ZNF710: variants seen among roughly 807,000 people sequenced by gnomAD.
ZNF710 encodes zinc finger protein 710.
Under a neutral mutation model 50.6 loss-of-function variants are expected in ZNF710, and 13 were observed. The observed-to-expected ratio is 0.26, with a 90% CI of 0.17 to 0.41. The LOEUF (loss-of-function observed/expected upper bound fraction) is 0.41, where lower values mean the gene tolerates loss of function less well. Among genes scored for constraint, ZNF710 ranks in the 10% least tolerant of loss-of-function variants. The pLI, the probability that ZNF710 is intolerant of heterozygous loss-of-function variation, is 1.00. For missense variants in ZNF710, 721 were observed against 936.6 expected (o/e 0.77, Z 3.01); for synonymous variants, 383 against 397.0 (o/e 0.96, Z 0.42).
At chr15:90,033,487 G>T (rs1899007772) in intron 1 of ZNF710, among the ~76,000 whole-genome samples, 1 of 152,140 alleles carries the variant, frequency 6.6e-6, no homozygotes, top group South Asian at 2.1e-4. Flanking sequence ...GGCAGAAAGG[G>T]GTTGGCTCCT....
intron 1 of ZNF710, among the ~76,000 whole-genome samples, chr15:90,003,532 C>G (rs1223720802): frequency 6.6e-6 from 1 of 152,082 alleles, no homozygotes; most frequent in Non-Finnish European, 1.5e-5. Context: ...CCTATTGCAT[C>G]TTCACCAGGG....
intron 3 of ZNF710, among the ~76,000 whole-genome samples, chr15:90,073,631 TGTCCCTGTCTCTCGGGTGTCTGGG>T (rs1287024315): frequency 6.6e-6 from 1 of 152,150 alleles, no homozygotes; most frequent in Non-Finnish European, 1.5e-5. Flanking sequence ...GGATGGCTTG[TGTCCCTGTCTCTCGGGTGTCTGGG>T]GTCACATGGA....
chr15:90,004,329 G>A (rs997965022), intron 1 of ZNF710, among the ~76,000 whole-genome samples: 1 of 152,174 alleles, frequency 6.6e-6, no homozygotes, highest in Non-Finnish European at 1.5e-5. Flanking sequence ...TTCTAGAAGG[G>A]AGTAAATAAA....
At chr15:90,046,373 G>A (rs576592127) in intron 1 of ZNF710, among the ~76,000 whole-genome samples, 2 of 152,348 alleles carry the variant, frequency 1.3e-5, no homozygotes, top group South Asian at 4.1e-4. Context: ...TCACAGCCAA[G>A]TGCTGTGTAA....
upstream of ZNF710, among the ~76,000 whole-genome samples, chr15:89,999,679 C>G (rs1257747846): frequency 6.6e-6 from 1 of 150,674 alleles, no homozygotes; most frequent in Non-Finnish European, 1.5e-5. Context: ...GGCGAGGGGC[C>G]GTGGCCTTGG....
At chr15:90,069,176 C>T (rs552539791) in intron 2 of ZNF710, among the ~76,000 whole-genome samples, 3 of 146,350 alleles carry the variant, frequency 2.0e-5, no homozygotes, top group South Asian at 2.2e-4. Flanking sequence ...TGCAGTCAGC[C>T]GAGACCACAC....
chr15:90,030,292 G>C (rs957666902), intron 1 of ZNF710, among the ~76,000 whole-genome samples: 1 of 121,302 alleles, frequency 8.2e-6, no homozygotes, highest in Non-Finnish European at 1.6e-5. Context: ...TCACGCCATT[G>C]CATTCCGGCC....
In ZNF710 at chr15:90,046,360, A is replaced by G. The variant is rs138611995; in HGVS notation, c.-28-20750A>G. ...AGCAGATGTAGAGTGGAAACAGTACAGCTCACAGCCAAGTGCTGTGTAAAT... is the reference window on the plus strand; with the variant it reads ...AGCAGATGTAGAGTGGAAACAGTACGGCTCACAGCCAAGTGCTGTGTAAAT... On this transcript the variant is annotated intron_variant, in intron 1 of 4. Coordinates refer to ENST00000268154, the MANE Select transcript of ZNF710 (RefSeq NM_198526.4). Among the ~76,000 whole-genome samples the G allele has an allele frequency of 5.9e-5, 9 of 152,356 alleles. No homozygotes were observed. The East Asian group carries it at 1.4e-3, about 23-fold the overall frequency.
At chr15:90,069,018 A>G (rs1039023511) in intron 2 of ZNF710, among the ~76,000 whole-genome samples, 4 of 152,168 alleles carry the variant, frequency 2.6e-5, no homozygotes, top group Non-Finnish European at 5.9e-5. Context: ...ACCTGAGGTC[A>G]GGAGTTCAAG....
intron 1 of ZNF710, among the ~76,000 whole-genome samples, chr15:90,041,126 C>G (rs1406878719): frequency 6.6e-6 from 1 of 152,110 alleles, no homozygotes; most frequent in Admixed American, 6.5e-5. Context: ...TATTGGTTCA[C>G]TGATCAATTC....
chr15:90,072,900 G>C (rs9806319), intron 2 of ZNF710, among the ~76,000 whole-genome samples, 171 bp from the exon 3 acceptor site: 1 of 151,892 alleles, frequency 6.6e-6, no homozygotes, highest in Non-Finnish European at 1.5e-5. Flanking sequence ...CACATTCTTC[G>C]GTGGTTTTAA....
chr15:90,029,152 A>G (rs1838830398), intron 1 of ZNF710, among the ~76,000 whole-genome samples: 2 of 152,326 alleles, frequency 1.3e-5, no homozygotes, highest in African/African-American at 4.8e-5. Flanking sequence ...ATGCCTGGCA[A>G]TTATAGAGAT....
At chr15:90,037,033 A>G (rs760887614) in intron 1 of ZNF710, among the ~76,000 whole-genome samples, 56 of 151,596 alleles carry the variant, frequency 3.7e-4, no homozygotes, top group Non-Finnish European at 5.4e-4. Flanking sequence ...CAGGCTGGAG[A>G]TGGGAGGTCA....
chr15:90,035,694 G>A (rs1193067433), intron 1 of ZNF710, among the ~76,000 whole-genome samples: 1 of 152,196 alleles, frequency 6.6e-6, no homozygotes, highest in Admixed American at 6.5e-5. Flanking sequence ...ACGTGTATTT[G>A]GATAGCAAAC....
chr15:90,031,024 A>AAAAAC (rs1363122757), intron 1 of ZNF710, among the ~76,000 whole-genome samples: 4 of 150,252 alleles, frequency 2.7e-5, no homozygotes, highest in Non-Finnish European at 4.4e-5. Context: ...GTCTCAAAAA[A>AAAAAC]AAAGAAAAAA....
intron 3 of ZNF710, among the ~76,000 whole-genome samples, chr15:90,073,654 G>A (rs893028604): frequency 1.3e-5 from 2 of 152,124 alleles, no homozygotes; most frequent in African/African-American, 4.8e-5. Context: ...CGGGTGTCTG[G>A]GGTCACATGG....
intron 1 of ZNF710, among the ~76,000 whole-genome samples, chr15:90,050,859 A>C (rs1899618547): frequency 2.0e-5 from 3 of 152,064 alleles, no homozygotes; most frequent in African/African-American, 7.2e-5. Context: ...GTCTCTAGCC[A>C]AATTGTGAGG....
intron 1 of ZNF710, chr15:90,025,054 T>C (rs952667698): frequency 2.6e-5 from 4 of 152,226 alleles, no homozygotes; most frequent in Non-Finnish European, 4.4e-5. Context: ...GTTTTTCATA[T>C]ACCTGTCTTT....
chr15:90,073,386 G>T, intron 3 of ZNF710, 124 bp downstream of exon 3: 4 of 1,126,274 alleles, frequency 3.6e-6, no homozygotes, highest in Non-Finnish European at 5.0e-6. Flanking sequence ...AGCCCCGGCT[G>T]GGTGAAACTT....
Sources: gnomAD v4.1 joint callset for allele counts (sites outside exome capture counted in the v4.1 genomes callset) on GRCh38, gnomAD v4.1.1 for gene constraint, MANE v1.5 for transcripts, NCBI Gene and HGNC (gene_info 2026-07-23, HGNC 2026-07-21) for gene names.